The following SPATA22 variants were observed in gnomAD, a reference collection of about 807,000 sequenced individuals.
The protein encoded by SPATA22 is spermatogenesis associated 22, also known as spermatogenesis-associated protein 22.
SPATA22 carries 29 observed loss-of-function variants against 47.8 expected under a neutral mutation model. The observed-to-expected ratio is 0.61, with a 90% confidence interval of 0.45 to 0.83. The LOEUF (loss-of-function observed/expected upper bound fraction) is 0.83, where lower values mean the gene tolerates loss of function less well. Among genes scored for constraint, SPATA22 ranks in the 40% least tolerant of loss-of-function variants. The probability of loss-of-function intolerance (pLI) is 0.00; values close to 1 mark genes in which losing one functional copy is unlikely to be tolerated. For synonymous variants in SPATA22, 133 were observed against 140.9 expected, an observed-to-expected ratio of 0.94 and a Z score of 0.40; for missense variants, 410 against 421.7, an observed-to-expected ratio of 0.97 and a Z score of 0.24.
At chr17:3,507,681 C>CT (rs2074054332) in intron 1 of SPATA22, among the ~76,000 whole-genome samples, 1 of 152,186 alleles carries the variant, frequency 6.6e-6, no homozygotes, top group Non-Finnish European at 1.5e-5. Flanking sequence ...CTCGATTTCC[C>CT]TACCTATTAA....
At chr17:3,474,628 T>C (rs1161943222), upstream of SPATA22, among the ~76,000 whole-genome samples, 2 of 152,240 alleles carry the variant, frequency 1.3e-5, no homozygotes, top group Admixed American at 6.5e-5. Flanking sequence ...AGATTTGATG[T>C]GGTTATTTTG....
chr17:3,456,479 T>C lies in SPATA22; in HGVS notation c.329+6004A>G, dbSNP rs562874532. 8.4e-4 allele frequency among the ~76,000 whole-genome samples: 125 copies of C among 148,768 alleles called. 2 individuals are homozygous for C. The highest frequency in any genetic ancestry group is 3.0e-3 in the African/African-American group (121 of 40,310). On this transcript the variant is annotated intron_variant, in intron 5 of 8. Coordinates refer to ENST00000572969, the MANE Select transcript of SPATA22 (RefSeq NM_001170698.2). ...TGGATAAATTCCTCAACACATACAC[T>C]CTCCCAAGACTAAACCAGGAAGAAG...
At chr17:3,465,319 G>A (rs1020992521) in intron 3 of SPATA22, among the ~76,000 whole-genome samples, 3 of 151,912 alleles carry the variant, frequency 2.0e-5, no homozygotes, top group Admixed American at 1.3e-4. Flanking sequence ...TGACAATGGC[G>A]GTTTTGTGGA....
chr17:3,457,701 G>C (rs2073029247), intron 5 of SPATA22, among the ~76,000 whole-genome samples: 1 of 152,096 alleles, frequency 6.6e-6, no homozygotes, highest in Admixed American at 6.5e-5. Flanking sequence ...TTCAACAAAA[G>C]TGAGAAGAAC....
At chr17:3,442,348 A>G (rs887756156) in intron 8 of SPATA22, among the ~76,000 whole-genome samples, 3 of 152,036 alleles carry the variant, frequency 2.0e-5, no homozygotes, top group East Asian at 1.9e-4. Flanking sequence ...CTGAAGTTCA[A>G]GTAATTTAAG....
At chr17:3,480,867 T>G (rs969778091) in intron 1 of SPATA22, among the ~76,000 whole-genome samples, 1 of 152,238 alleles carries the variant, frequency 6.6e-6, no homozygotes, top group Non-Finnish European at 1.5e-5. Flanking sequence ...TAGATCTCTT[T>G]CATTGTAATA....
intron 1 of SPATA22, among the ~76,000 whole-genome samples, chr17:3,509,171 A>C (rs1479403948): frequency 1.3e-5 from 2 of 151,758 alleles, no homozygotes; most frequent in East Asian, 3.9e-4. Flanking sequence ...AACAGCCATG[A>C]TGGATAGAGC....
At chr17:3,448,614 C>A (rs188677541) in intron 6 of SPATA22, among the ~76,000 whole-genome samples, 193 bp downstream of exon 6, 1 of 152,226 alleles carries the variant, frequency 6.6e-6, no homozygotes, top group East Asian at 1.9e-4. Flanking sequence ...AAAGGAGCAG[C>A]CATTCATACC....
At chr17:3,473,794 C>T (rs776040021), upstream of SPATA22, among the ~76,000 whole-genome samples, 11 of 152,140 alleles carry the variant, frequency 7.2e-5, no homozygotes, top group Non-Finnish European at 1.2e-4. Flanking sequence ...CCACACCTGG[C>T]ATCCTTTTGT....
chr17:3,480,752 T>G (rs1247949700), intron 1 of SPATA22, among the ~76,000 whole-genome samples: 1 of 152,236 alleles, frequency 6.6e-6, no homozygotes, highest in Non-Finnish European at 1.5e-5. Context: ...GCTGTTATCA[T>G]CTTTGTTTCA....
intron 1 of SPATA22, among the ~76,000 whole-genome samples, chr17:3,491,345 T>A (rs2073820711): frequency 6.6e-6 from 1 of 152,144 alleles, no homozygotes; most frequent in African/African-American, 2.4e-5. Flanking sequence ...AAACAACACT[T>A]GAGAACTGTA....
intron 1 of SPATA22, among the ~76,000 whole-genome samples, chr17:3,484,243 C>T (rs2073682344): frequency 6.6e-6 from 1 of 152,154 alleles, no homozygotes; most frequent in African/African-American, 2.4e-5. Context: ...GAAATGTGTA[C>T]ATTTGACTAA....
chr17:3,466,576 G>C (rs1201460154), intron 3 of SPATA22, among the ~76,000 whole-genome samples: 1 of 152,188 alleles, frequency 6.6e-6, no homozygotes, highest in Non-Finnish European at 1.5e-5. Flanking sequence ...CTCACAGGAA[G>C]GGCAACTTAG....
chr17:3,469,271 G>A lies in SPATA22; in HGVS notation c.43+12C>T. On this transcript the variant is annotated intron_variant, in intron 2 of 8. Transcript: ENST00000572969. ...TATACAGAAAATTTAAAAATAAAAA[G>A]TTGTTCAATACCTGCTGTACTTCGA... is the stretch of plus-strand genomic sequence containing the variant. The A allele has an allele frequency of 7.5e-7, 1 of 1,328,906 alleles. No individual in the cohort carries two copies. The highest frequency in any genetic ancestry group is 1.1e-6 in the Non-Finnish European group (1 of 940,622). 82.3% of individuals were successfully genotyped at this position (1,328,906 alleles called of 1,614,324 possible).
At chr17:3,495,000 C>A (rs931287364) in intron 1 of SPATA22, among the ~76,000 whole-genome samples, 8 of 152,104 alleles carry the variant, frequency 5.3e-5, no homozygotes, top group Admixed American at 5.2e-4. Flanking sequence ...ACGACTGGAA[C>A]CTCTTTCTTC....
intron 5 of SPATA22, among the ~76,000 whole-genome samples, chr17:3,456,893 T>C (rs2073011916): frequency 6.6e-6 from 1 of 150,700 alleles, no homozygotes; most frequent in African/African-American, 2.4e-5. Context: ...GCTGGTTCAA[T>C]ATACGCAAAT....
In SPATA22 at chr17:3,481,708, C is replaced by A. The variant is rs2150746796; in HGVS notation, c.-73-12310G>T. 2 of 1,613,750 alleles carry A rather than the reference C, an allele frequency of 1.2e-6. No homozygotes were observed. The highest frequency in any genetic ancestry group is 1.7e-4 in the Middle Eastern group (1 of 6,030). On this transcript the variant is annotated intron_variant, in intron 1 of 8. Coordinates refer to the SPATA22 transcript ENST00000541913. ...AAGATTCCTATGACATTATTTTTGA[C>A]CTTCACAACACCACCTCTAACATGG...
chr17:3,489,470 A>G, intron 1 of SPATA22: 1 of 737,824 alleles, frequency 1.4e-6, no homozygotes, highest in South Asian at 1.6e-5. Flanking sequence ...CACTTCAGCT[A>G]TTCCCCAATG....
At chr17:3,506,285 T>C (rs556785639) in intron 1 of SPATA22, among the ~76,000 whole-genome samples, 1 of 152,152 alleles carries the variant, frequency 6.6e-6, no homozygotes, top group Admixed American at 6.5e-5. Context: ...TTGCACAATA[T>C]GAAACTCCAG....
Sources: allele counts gnomAD v4.1 joint callset (sites outside exome capture counted in the v4.1 genomes callset), GRCh38; gene constraint gnomAD v4.1.1; transcripts MANE v1.5; gene names NCBI Gene and HGNC (gene_info 2026-07-23, HGNC 2026-07-21).